HYDIN: variants seen among roughly 807,000 people sequenced by gnomAD.
HYDIN encodes axonemal central pair apparatus protein HYDIN.
Under a neutral mutation model 403.9 loss-of-function variants are expected in HYDIN, and 132 were observed. That is an observed-to-expected ratio of 0.33 (90% CI 0.28 to 0.38). The LOEUF (loss-of-function observed/expected upper bound fraction) is 0.38, where lower values mean the gene tolerates loss of function less well. HYDIN is among the 10% of genes least tolerant of loss of function. The pLI, the probability that HYDIN is intolerant of heterozygous loss-of-function variation, is 1.00. For synonymous variants in HYDIN, 1,202 were observed against 1,891.7 expected, an observed-to-expected ratio of 0.64 and a Z score of 9.46; for missense variants, 2,827 against 5,009.5, an observed-to-expected ratio of 0.56 and a Z score of 13.15.
intron 7 of HYDIN, among the ~76,000 whole-genome samples, chr16:71,152,327 T>G (rs2085569297): frequency 1.3e-5 from 2 of 152,102 alleles, no homozygotes; most frequent in Admixed American, 1.3e-4. Flanking sequence ...TCTGACCTTT[T>G]TAAATTTTTT....
intron 9 of HYDIN, among the ~76,000 whole-genome samples, chr16:71,126,727 GTTTC>G (rs1240061451): frequency 4.6e-5 from 7 of 152,140 alleles, no homozygotes; most frequent in Non-Finnish European, 8.8e-5. Context: ...CCTCGGATAT[GTTTC>G]TTTGTTTTTG....
At chr16:71,071,401 C>T (rs2082464544) in intron 13 of HYDIN, among the ~76,000 whole-genome samples, 1 of 142,016 alleles carries the variant, frequency 7.0e-6, no homozygotes, top group Non-Finnish European at 1.5e-5. Context: ...GCAACCAATC[C>T]TAATACTATT....
intron 45 of HYDIN, among the ~76,000 whole-genome samples, chr16:70,923,747 G>T: frequency 6.7e-6 from 1 of 149,848 alleles, no homozygotes; most frequent in Non-Finnish European, 1.5e-5. Flanking sequence ...CATGAACCAG[G>T]GAGGCAGAGC....
intron 43 of HYDIN, among the ~76,000 whole-genome samples, chr16:70,940,936 C>G (rs2077652238): frequency 6.6e-6 from 1 of 152,186 alleles, no homozygotes; most frequent in African/African-American, 2.4e-5. Context: ...TGTCCTTCAA[C>G]CCCTGCCCTG....
chr16:70,936,888 A>T (rs951863336), intron 44 of HYDIN, among the ~76,000 whole-genome samples: 3 of 151,538 alleles, frequency 2.0e-5, no homozygotes, highest in African/African-American at 7.2e-5. Context: ...CATGGTGCTC[A>T]GTCCGAAAGC....
At chr16:71,153,589 T>C (rs956957008) in intron 6 of HYDIN, among the ~76,000 whole-genome samples, 57 of 151,762 alleles carry the variant, frequency 3.8e-4, no homozygotes, top group Non-Finnish European at 7.7e-4. Flanking sequence ...TCACATCCCC[T>C]CCCATCTCAT....
At chr16:70,902,068 G>A (rs376660612) in intron 52 of HYDIN, among the ~76,000 whole-genome samples, 6 of 150,496 alleles carry the variant, frequency 4.0e-5, no homozygotes, top group South Asian at 4.2e-4. Context: ...AAGGTCAACC[G>A]TATTTTCCTT....
intron 58 of HYDIN, among the ~76,000 whole-genome samples, chr16:70,888,782 GGAGTCTA>G (rs2041301800): frequency 6.6e-6 from 1 of 152,152 alleles, no homozygotes; most frequent in Non-Finnish European, 1.5e-5. Flanking sequence ...TGGAGAGGGT[GGAGTCTA>G]GACTCTCTAT....
chr16:70,971,624 A>C (rs1027695018), intron 35 of HYDIN, among the ~76,000 whole-genome samples: 1 of 151,714 alleles, frequency 6.6e-6, no homozygotes, highest in Non-Finnish European at 1.5e-5. Context: ...CAATCTGAAG[A>C]CCTCCTATCT....
At chr16:70,843,631 A>T (rs2143553428) in intron 75 of HYDIN, among the ~76,000 whole-genome samples, 1 of 130,324 alleles carries the variant, frequency 7.7e-6, no homozygotes, top group East Asian at 2.2e-4. Context: ...GACTTCCACA[A>T]TGGTTGAACT....
chr16:71,006,635 C>A (rs564969453), intron 23 of HYDIN, among the ~76,000 whole-genome samples: 25 of 151,914 alleles, frequency 1.6e-4, no homozygotes, highest in Admixed American at 7.9e-4. Context: ...GAGCTCCCAC[C>A]TCTAGCAGCT....
At chr16:71,219,819 G>A (rs1284005663) in intron 1 of HYDIN, among the ~76,000 whole-genome samples, 2 of 152,030 alleles carry the variant, frequency 1.3e-5, no homozygotes, top group Non-Finnish European at 2.9e-5. Context: ...CCTCTCAAAC[G>A]ACATTTTGTA....
At chr16:71,003,442 T>C (rs2079787127) in intron 23 of HYDIN, among the ~76,000 whole-genome samples, 1 of 152,024 alleles carries the variant, frequency 6.6e-6, no homozygotes, top group Admixed American at 6.5e-5. Context: ...GTTACATTTA[T>C]TTCTAAGTAC....
chr16:71,031,406 G>A (rs2080904979), intron 19 of HYDIN: 1 of 1,280,160 alleles, frequency 7.8e-7, no homozygotes, highest in East Asian at 3.4e-5. Flanking sequence ...TAATCACAGA[G>A]TAGCCAGTTT....
chr16:71,022,270 C>G (rs140436205), intron 21 of HYDIN, among the ~76,000 whole-genome samples: 10 of 152,262 alleles, frequency 6.6e-5, no homozygotes, highest in Admixed American at 2.6e-4. Context: ...CACAGAGAGG[C>G]CATTCTATTT....
At chr16:71,190,735 C>A (rs909008740) in intron 1 of HYDIN, among the ~76,000 whole-genome samples, 1 of 152,124 alleles carries the variant, frequency 6.6e-6, no homozygotes, top group Non-Finnish European at 1.5e-5. Flanking sequence ...AATCTTAACA[C>A]TAAAAGAGTA....
At chr16:71,038,666 A>G (rs2144186086) in intron 18 of HYDIN, among the ~76,000 whole-genome samples, 1 of 152,394 alleles carries the variant, frequency 6.6e-6, no homozygotes, top group South Asian at 2.1e-4. Context: ...CTTTTTTTAA[A>G]AAAATTTCTT....
chr16:70,970,884 T>C, intron 35 of HYDIN, 125 bp from the exon 36 acceptor site: 1 of 813,426 alleles, frequency 1.2e-6, no homozygotes, highest in African/African-American at 1.6e-5. Context: ...ATTATAAAAT[T>C]GCATAAGAGT....
intron 19 of HYDIN, among the ~76,000 whole-genome samples, chr16:71,030,244 G>T (rs923340333): frequency 2.6e-5 from 4 of 151,694 alleles, no homozygotes; most frequent in African/African-American, 7.3e-5. Context: ...AGATAGGGGG[G>T]TCTCCCTATG....
Sources: gnomAD v4.1 joint callset for allele counts (sites outside exome capture counted in the v4.1 genomes callset) on GRCh38, gnomAD v4.1.1 for gene constraint, MANE v1.5 for transcripts, NCBI Gene and HGNC (gene_info 2026-07-23, HGNC 2026-07-21) for gene names.